TMC2: variants seen among roughly 807,000 people sequenced by gnomAD.
TMC2 encodes transmembrane channel-like protein 2.
A neutral mutation model predicts 105.9 loss-of-function variants in TMC2; 102 were observed. The ratio of observed to expected loss-of-function variants is 0.96; its 90% CI spans 0.82 to 1.14. TMC2 has a LOEUF of 1.14. TMC2 is among the 50% of genes most tolerant of loss of function. The pLI is 0.00. For missense variants in TMC2, 1,093 were observed against 1,134.3 expected (o/e 0.96, Z 0.52); for synonymous variants, 402 against 422.8 (o/e 0.95, Z 0.60).
intron 7 of TMC2, among the ~76,000 whole-genome samples, chr20:2,584,305 G>A (rs915295198): frequency 2.7e-5 from 4 of 145,740 alleles, no homozygotes; most frequent in Non-Finnish European, 3.0e-5. Flanking sequence ...TTAGCCGGGC[G>A]TAGTGGCGGG....
At chr20:2,639,500 G>T (rs1167040772) in intron 19 of TMC2, among the ~76,000 whole-genome samples, 2 of 152,196 alleles carry the variant, frequency 1.3e-5, no homozygotes, top group African/African-American at 4.8e-5. Context: ...AGGAGCAATA[G>T]GCTGAACCAT....
chr20:2,577,846 G>A (rs1382261559), intron 5 of TMC2, among the ~76,000 whole-genome samples: 1 of 152,134 alleles, frequency 6.6e-6, no homozygotes, highest in Non-Finnish European at 1.5e-5. Context: ...AGTGAGCCAT[G>A]TTTGCGCCAC....
chr20:2,595,329 T>A (rs2146213696), intron 9 of TMC2, among the ~76,000 whole-genome samples: 1 of 152,302 alleles, frequency 6.6e-6, no homozygotes, highest in Admixed American at 6.5e-5. Flanking sequence ...GCATAGTACC[T>A]AGTAAGGTAG....
At chr20:2,537,667 G>GGTTAA (rs1435190631) in intron 2 of TMC2, among the ~76,000 whole-genome samples, 4 of 152,106 alleles carry the variant, frequency 2.6e-5, no homozygotes, top group African/African-American at 9.7e-5. Flanking sequence ...CCGGACTCTA[G>GGTTAA]GAGGAACACT....
intron 11 of TMC2, among the ~76,000 whole-genome samples, chr20:2,606,489 A>G (rs1431633470): frequency 6.6e-6 from 1 of 152,098 alleles, no homozygotes; most frequent in Non-Finnish European, 1.5e-5. Context: ...CAAACTCCTG[A>G]CCTCAAGTGA....
In TMC2 at chr20:2,581,493, A is replaced by G. The variant is rs144458134; in HGVS notation, c.834+1437A>G. 2.8e-4 allele frequency among the ~76,000 whole-genome samples: 42 copies of G among 152,358 alleles called. No individual in the cohort carries two copies. In the East Asian group the frequency reaches 2.9e-3, roughly 10 times the overall value. ...GTCAAGCGTACACAAACACTCTTAC[A>G]CCAAGTCTGGTTCTCCCCAGGGGGA... On this transcript the variant is annotated intron_variant, in intron 7 of 19. Transcript: ENST00000358864.
At chr20:2,568,696 C>A (rs981658098) in intron 4 of TMC2, among the ~76,000 whole-genome samples, 3 of 152,138 alleles carry the variant, frequency 2.0e-5, no homozygotes, top group African/African-American at 4.8e-5. Context: ...TGAAACCATT[C>A]TTTGTTGTTG....
intron 17 of TMC2, among the ~76,000 whole-genome samples, chr20:2,626,848 GA>G (rs1192487625): frequency 6.6e-6 from 1 of 151,994 alleles, no homozygotes. Context: ...TGAAGACAAA[GA>G]AAAAAAGGAT....
At chr20:2,586,222 A>T (rs993989015) in intron 7 of TMC2, among the ~76,000 whole-genome samples, 118 of 152,318 alleles carry the variant, frequency 7.7e-4, no homozygotes, top group African/African-American at 2.7e-3. Flanking sequence ...CAACTCCTTG[A>T]GTTCAGTTCT....
intron 5 of TMC2, among the ~76,000 whole-genome samples, chr20:2,573,077 T>G (rs2086114940): frequency 6.6e-6 from 1 of 152,014 alleles, no homozygotes; most frequent in Non-Finnish European, 1.5e-5. Flanking sequence ...AGCCTCAGCC[T>G]CAGCCTCCTG....
At chr20:2,541,134 G>A (rs1314760132) in intron 2 of TMC2, among the ~76,000 whole-genome samples, 1 of 152,092 alleles carries the variant, frequency 6.6e-6, no homozygotes, top group African/African-American at 2.4e-5. Flanking sequence ...CATCCTTCAA[G>A]ATTCAGAGTA....
chr20:2,617,486 G>A (rs577519729), intron 16 of TMC2, 175 bp downstream of exon 16: 15 of 846,682 alleles, frequency 1.8e-5, no homozygotes, highest in Middle Eastern at 2.3e-4. Flanking sequence ...ATGTTAGGTC[G>A]TTCTGTGTCT....
chr20:2,611,626 G>C (rs555183720), intron 12 of TMC2, among the ~76,000 whole-genome samples: 1 of 152,214 alleles, frequency 6.6e-6, no homozygotes, highest in East Asian at 1.9e-4. Flanking sequence ...CTCACAGCTC[G>C]TATCAGTCTG....
At chr20:2,536,934 C>T (rs936067548) in intron 1 of TMC2, among the ~76,000 whole-genome samples, 4 of 152,204 alleles carry the variant, frequency 2.6e-5, no homozygotes, top group Admixed American at 6.5e-5. Context: ...GAGACTGTCA[C>T]GGCCGATGCA....
chr20:2,563,068 C>T (rs1265794562), intron 4 of TMC2, among the ~76,000 whole-genome samples: 1 of 152,014 alleles, frequency 6.6e-6, no homozygotes, highest in Non-Finnish European at 1.5e-5. Flanking sequence ...TGTTTTTTTG[C>T]CACAGCGTTG....
Position 2,558,029 on chromosome 20 carries a change from T to C in TMC2, c.83-427T>C, listed in dbSNP as rs747808930. On this transcript the variant is annotated intron_variant, in intron 2 of 19. Coordinates refer to ENST00000358864, the MANE Select transcript of TMC2 (RefSeq NM_080751.3). This position sits in a 1 kb window ranked among gnomAD's most constrained non-coding sequence, Gnocchi z 4.6. Reference sequence around the variant, plus strand: ...GCCTTCAGAAACGAAGACCCAAATATACAGGGAAAACTGTATTTTTATGGA... The same window carrying C: ...GCCTTCAGAAACGAAGACCCAAATACACAGGGAAAACTGTATTTTTATGGA... Among the ~76,000 whole-genome samples the C allele has an allele frequency of 1.1e-4, 17 of 152,176 alleles. No individual in the cohort carries two copies. The highest frequency in any genetic ancestry group is 2.2e-4 in the Non-Finnish European group (15 of 68,042).
intron 4 of TMC2, 57 bp from the exon 5 acceptor site, chr20:2,572,122 G>T (rs2086107480): frequency 7.6e-7 from 1 of 1,321,214 alleles, no homozygotes; most frequent in African/African-American, 1.5e-5. Flanking sequence ...TCATAATTCA[G>T]ATTTCCTCTG....
intron 4 of TMC2, among the ~76,000 whole-genome samples, chr20:2,562,844 G>A (rs2086036774): frequency 6.6e-6 from 1 of 152,024 alleles, no homozygotes; most frequent in Non-Finnish European, 1.5e-5. Flanking sequence ...TACTCGGGAG[G>A]CTGAGGCAGG....
At chr20:2,584,318 C>A (rs1399992732) in intron 7 of TMC2, among the ~76,000 whole-genome samples, 1 of 142,512 alleles carries the variant, frequency 7.0e-6, no homozygotes, top group African/African-American at 2.9e-5. Context: ...GTGGCGGGTG[C>A]CTGTGGTCCC....
Sources: allele counts gnomAD v4.1 joint callset (sites outside exome capture counted in the v4.1 genomes callset), GRCh38; gene constraint gnomAD v4.1.1; non-coding constraint Gnocchi (gnomAD v3.1); transcripts MANE v1.5; gene names NCBI Gene and HGNC (gene_info 2026-07-23, HGNC 2026-07-21).